SCN11A: variants seen among roughly 807,000 people sequenced by gnomAD.
The protein encoded by SCN11A is sodium channel protein type 11 subunit alpha.
SCN11A carries 122 observed loss-of-function variants against 162.2 expected under a neutral mutation model. The ratio of observed to expected loss-of-function variants is 0.75; its 90% CI spans 0.65 to 0.87. The LOEUF (loss-of-function observed/expected upper bound fraction) is 0.87, where lower values mean the gene tolerates loss of function less well. Among genes scored for constraint, SCN11A ranks in the 40% least tolerant of loss-of-function variants. SCN11A has a pLI of 0.00. For missense variants in SCN11A, 2,015 were observed against 2,181.6 expected, an observed-to-expected ratio of 0.92 and a Z score of 1.52; for synonymous variants, 758 against 751.5, an observed-to-expected ratio of 1.01 and a Z score of -0.14.
intron 2 of SCN11A, among the ~76,000 whole-genome samples, chr3:39,000,594 T>C (rs547535283): frequency 1.3e-5 from 2 of 152,362 alleles, no homozygotes; most frequent in African/African-American, 4.8e-5. Context: ...ATTTACCACA[T>C]GCAACTTAAT....
intron 9 of SCN11A, 30 bp from the exon 10 acceptor site, chr3:38,921,285 C>T (rs767735152): frequency 6.2e-7 from 1 of 1,603,724 alleles, no homozygotes; most frequent in Admixed American, 1.7e-5. Flanking sequence ...TGGGGAGAAG[C>T]CCATCCCCCT....
chr3:38,962,186 G>A (rs1362647810), intron 2 of SCN11A, among the ~76,000 whole-genome samples: 1 of 152,076 alleles, frequency 6.6e-6, no homozygotes, highest in African/African-American at 2.4e-5. Context: ...TAAGTATTTG[G>A]GTTTATTTCT....
At chr3:38,879,513 G>T (rs955417089) in intron 23 of SCN11A, among the ~76,000 whole-genome samples, 3 of 152,178 alleles carry the variant, frequency 2.0e-5, no homozygotes, top group Non-Finnish European at 4.4e-5. Context: ...ATGAGAGACT[G>T]TATGTGAACA....
chr3:39,035,954 C>T lies in SCN11A; in HGVS notation c.-403-3451G>A, dbSNP rs182136434. ...GTGCCTGGCAACATTGAAGTTTTGA[C>T]TTGCTACATTTCTGACTTGGGCTAG... On this transcript the variant is annotated intron_variant, in intron 1 of 29. Transcript: ENST00000302328. 5.3e-5 allele frequency among the ~76,000 whole-genome samples: 8 copies of T among 152,196 alleles called. No homozygotes were observed. The East Asian group carries it at 1.6e-3, about 30-fold the overall frequency.
chr3:38,876,563 A>G (rs2065210074), intron 23 of SCN11A, among the ~76,000 whole-genome samples: 1 of 152,114 alleles, frequency 6.6e-6, no homozygotes, highest in Admixed American at 6.6e-5. Flanking sequence ...TGAATGGACA[A>G]TTCTCAAAAG....
intron 2 of SCN11A, among the ~76,000 whole-genome samples, chr3:39,025,056 G>C (rs2031553107): frequency 6.6e-6 from 1 of 152,182 alleles, no homozygotes; most frequent in Non-Finnish European, 1.5e-5. Context: ...CGAGCTCTTA[G>C]ACAGAAAGGT....
At chr3:38,900,602 T>C (rs1263825411) in intron 16 of SCN11A, among the ~76,000 whole-genome samples, 1 of 131,610 alleles carries the variant, frequency 7.6e-6, no homozygotes, top group Non-Finnish European at 1.7e-5. Flanking sequence ...GCACAGATCA[T>C]AGAATTAGAA....
chr3:38,907,538 A>C (rs2065819763), intron 14 of SCN11A, among the ~76,000 whole-genome samples: 1 of 151,786 alleles, frequency 6.6e-6, no homozygotes, highest in Non-Finnish European at 1.5e-5. Flanking sequence ...CTTCCCAAAT[A>C]ATCTACTTGC....
intron 1 of SCN11A, among the ~76,000 whole-genome samples, chr3:39,035,279 C>T (rs2125613416): frequency 6.6e-6 from 1 of 152,246 alleles, no homozygotes; most frequent in Non-Finnish European, 1.5e-5. Context: ...ATAGAGAATC[C>T]AGAAATAAAT....
At chr3:38,989,121 C>T (rs894883803) in intron 2 of SCN11A, among the ~76,000 whole-genome samples, 1 of 152,162 alleles carries the variant, frequency 6.6e-6, no homozygotes, top group Non-Finnish European at 1.5e-5. Flanking sequence ...AAGCCAGCCT[C>T]CATATAAGAA....
intron 8 of SCN11A, 96 bp from the exon 9 acceptor site, chr3:38,925,605 C>A: frequency 1.2e-6 from 1 of 826,426 alleles, no homozygotes; most frequent in Admixed American, 2.1e-5. Context: ...AGCCTGAGGC[C>A]TGTGACCTCC....
At chr3:39,046,272 C>T (rs976877727) in intron 1 of SCN11A, among the ~76,000 whole-genome samples, 10 of 107,250 alleles carry the variant, frequency 9.3e-5, no homozygotes, top group African/African-American at 3.7e-4. Flanking sequence ...AAAGAAAGGA[C>T]AGAAGCAAGG....
intron 7 of SCN11A, among the ~76,000 whole-genome samples, chr3:38,935,591 A>G (rs1399021258): frequency 4.6e-5 from 7 of 152,240 alleles, no homozygotes; most frequent in Admixed American, 6.5e-5. Context: ...AGAGAATACT[A>G]CAAACACCCC....
At chr3:38,945,600 C>A in intron 6 of SCN11A, 88 bp from the exon 7 acceptor site, 1 of 767,916 alleles carries the variant, frequency 1.3e-6, no homozygotes, top group Non-Finnish European at 2.0e-6. Context: ...CTGATGGTCC[C>A]CTTTTCTGCA....
intron 16 of SCN11A, among the ~76,000 whole-genome samples, chr3:38,902,956 T>C (rs2126123548): frequency 6.6e-6 from 1 of 152,298 alleles, no homozygotes; most frequent in South Asian, 2.1e-4. Context: ...TACATAAAGC[T>C]TGCAAATATT....
Position 38,899,793 on chromosome 3 carries a change from G to A in SCN11A, c.2022+101C>T, listed in dbSNP as rs562293669. On this transcript the variant is annotated intron_variant, in intron 17 of 29. Coordinates refer to ENST00000302328, the MANE Select transcript of SCN11A (RefSeq NM_001349253.2). Reference sequence around the variant, plus strand: ...AGTTTTGGTTCTGGGGTTAAGGTAAGATAAATTAAAGTTTAGTACAAGATA... The same window carrying A: ...AGTTTTGGTTCTGGGGTTAAGGTAAAATAAATTAAAGTTTAGTACAAGATA... The A allele has an allele frequency of 2.3e-4, 213 of 917,906 alleles. 1 individual carries two copies. The South Asian group carries it at 3.4e-3, about 15-fold the overall frequency. 56.9% of individuals were successfully genotyped at this position (917,906 alleles called of 1,614,324 possible). A position where few individuals can be genotyped will look rare whatever the true frequency, so the allele number is the denominator to read the frequency against.
chr3:38,955,230 T>A (rs2125580991), intron 3 of SCN11A, among the ~76,000 whole-genome samples: 1 of 152,260 alleles, frequency 6.6e-6, no homozygotes, highest in East Asian at 1.9e-4. Flanking sequence ...GTGGTTGCAG[T>A]GAGCTGAGAT....
chr3:39,031,938 T>C (rs1253809790), intron 2 of SCN11A, among the ~76,000 whole-genome samples: 1 of 152,164 alleles, frequency 6.6e-6, no homozygotes, highest in African/African-American at 2.4e-5. Flanking sequence ...CTGATAGATA[T>C]ATTTTACAGT....
At position 38,863,201 on chromosome 3, in the gene SCN11A, C is replaced by A; in HGVS notation, c.4050G>T (p.Arg1350=). The A allele has an allele frequency of 6.4e-7, 1 of 1,554,710 alleles. No homozygotes were observed. Among genetic ancestry groups the A allele is most frequent in the Non-Finnish European group, 8.9e-7 (1 of 1,126,328 alleles). ...GSKKPQKPIP[R]PLNKCQGLVF... ...GTCATTCAATTGCTCTCACCAGAGGCCGTGGAATGGGTTTTTGAGGTTTTT... is the reference window on the plus strand; with the variant it reads ...GTCATTCAATTGCTCTCACCAGAGGACGTGGAATGGGTTTTTGAGGTTTTT... The change falls in exon 28 of 30, where the codon CGG becomes CGT. Residue 1350 remains arginine, a synonymous_variant. Coordinates refer to ENST00000302328, the MANE Select transcript of SCN11A (RefSeq NM_001349253.2).
Sources: gnomAD v4.1 joint callset for allele counts (sites outside exome capture counted in the v4.1 genomes callset) on GRCh38, gnomAD v4.1.1 for gene constraint, MANE v1.5 for transcripts, NCBI Gene and HGNC (gene_info 2026-07-23, HGNC 2026-07-21) for gene names.